The following SCAPER variants were observed in gnomAD, a reference collection of about 807,000 sequenced individuals.
SCAPER encodes the protein S-phase cyclin A associated protein in the ER.
Under a neutral mutation model 182.2 loss-of-function variants are expected in SCAPER, and 98 were observed. That is an observed-to-expected ratio of 0.54 (90% confidence interval 0.46 to 0.64). The LOEUF is 0.64. Among genes scored for constraint, SCAPER ranks in the 30% least tolerant of loss-of-function variants. The probability of loss-of-function intolerance (pLI) is 0.00; values close to 1 mark genes in which losing one functional copy is unlikely to be tolerated. For missense variants in SCAPER, 1,432 were observed against 1,690.0 expected, an observed-to-expected ratio of 0.85 and a Z score of 2.68; for synonymous variants, 605 against 564.6, an observed-to-expected ratio of 1.07 and a Z score of -1.01.
At chr15:76,741,298 C>T (rs1242643907) in intron 15 of SCAPER, among the ~76,000 whole-genome samples, 1 of 151,980 alleles carries the variant, frequency 6.6e-6, no homozygotes, top group Non-Finnish European at 1.5e-5. Context: ...GTTTCCTTTG[C>T]TATGTTGCTT....
intron 17 of SCAPER, among the ~76,000 whole-genome samples, chr15:76,725,166 T>C (rs184941257): frequency 7.0e-4 from 106 of 152,006 alleles, no homozygotes; most frequent in Middle Eastern, 6.8e-3. Flanking sequence ...CAGGATAAAA[T>C]AGTAACTAAA....
intron 22 of SCAPER, among the ~76,000 whole-genome samples, chr15:76,575,418 T>C (rs2047746100): frequency 6.6e-6 from 1 of 152,224 alleles, no homozygotes. Flanking sequence ...AAGATGATCC[T>C]ACATTTCAAA....
chr15:76,793,390 C>A, intron 8 of SCAPER: 1 of 631,930 alleles, frequency 1.6e-6, no homozygotes, highest in Non-Finnish European at 2.9e-6. Context: ...GGAAGCTGGT[C>A]ACTGGAAACA....
intron 2 of SCAPER, among the ~76,000 whole-genome samples, chr15:76,864,059 C>T (rs2072083240): frequency 6.6e-6 from 1 of 152,140 alleles, no homozygotes; most frequent in Non-Finnish European, 1.5e-5. Context: ...GTACCCAAGC[C>T]AACATCACAT....
intron 17 of SCAPER, among the ~76,000 whole-genome samples, chr15:76,713,419 C>A (rs1267706742): frequency 6.6e-6 from 1 of 151,624 alleles, no homozygotes; most frequent in Admixed American, 6.6e-5. Flanking sequence ...GAAAATGTGG[C>A]ACATATACAC....
intron 2 of SCAPER, among the ~76,000 whole-genome samples, chr15:76,862,954 G>A (rs1057200477): frequency 3.9e-5 from 6 of 152,174 alleles, no homozygotes; most frequent in African/African-American, 1.4e-4. Flanking sequence ...TAGAGATTGC[G>A]CTAAAGTAAG....
rs114764456 is a variant in SCAPER, at chr15:76,643,331, G to T, written c.2646-21502C>A. Among the ~76,000 whole-genome samples the T allele has an allele frequency of 8.1e-3, 1,234 of 152,200 alleles. 11 individuals carry two copies. Among genetic ancestry groups the T allele is most frequent in the African/African-American group, 0.028 (1,170 of 41,520 alleles). ...CTTGAACTACTGTTCAACGACTGTT[G>T]AACTACTTCCTCACATGAATAACTT... On this transcript the variant is annotated intron_variant, in intron 21 of 31. Transcript: ENST00000563290.
chr15:76,462,523 G>T (rs913958169), intron 25 of SCAPER, among the ~76,000 whole-genome samples: 2 of 152,088 alleles, frequency 1.3e-5, no homozygotes, highest in African/African-American at 4.8e-5. Context: ...GATTCTATGT[G>T]CATTAAACTG....
chr15:76,466,031 T>C (rs976791922), intron 25 of SCAPER, among the ~76,000 whole-genome samples: 2 of 152,152 alleles, frequency 1.3e-5, no homozygotes, highest in Admixed American at 1.3e-4. Context: ...GACAATTTTA[T>C]TATAATGTGT....
rs956924641 is a variant in SCAPER at position 76,411,876 on chromosome 15, C to G, written c.3312-7197G>C. 1.3e-5 allele frequency among the ~76,000 whole-genome samples: 2 copies of G among 152,156 alleles called. 1 individual carries two copies. The highest frequency in any genetic ancestry group is 2.9e-5 in the Non-Finnish European group (2 of 68,008). ...TTGCATTTCCCTGATAACTAACATA[C>G]TGAACACACTTCCATGTGCTAAGTA... is the stretch of plus-strand genomic sequence containing the variant. On this transcript the variant is annotated intron_variant, in intron 26 of 31. Transcript: ENST00000563290.
chr15:76,696,613 A>G (rs1460046235), intron 20 of SCAPER, among the ~76,000 whole-genome samples: 1 of 152,142 alleles, frequency 6.6e-6, no homozygotes, highest in Non-Finnish European at 1.5e-5. Context: ...AATTCATTCT[A>G]CATGCTTGCT....
intron 26 of SCAPER, among the ~76,000 whole-genome samples, chr15:76,417,043 T>G (rs1480439049): frequency 6.6e-6 from 1 of 151,956 alleles, no homozygotes; most frequent in African/African-American, 2.4e-5. Flanking sequence ...CCAGCCTGGG[T>G]GACAGCACAC....
Position 76,351,305 on chromosome 15 carries a change from A to C in SCAPER, c.4048-17T>G, listed in dbSNP as rs767438168. The stretch of plus-strand genomic sequence containing the variant: ...TGCCAAATCCTGTATGAGGAGAGAA[A>C]AGTGTTTTTCTATCAATGCTATGAA... On this transcript the variant is annotated splice_polypyrimidine_tract_variant and intron_variant, in intron 30 of 31. Transcript: ENST00000563290. The C allele has an allele frequency of 3.1e-6, 5 of 1,601,546 alleles. No individual in the cohort carries two copies. In the South Asian group the frequency reaches 5.7e-5, roughly 18 times the overall value.
chr15:76,879,211 G>A (rs2073377037), intron 2 of SCAPER, among the ~76,000 whole-genome samples: 1 of 152,152 alleles, frequency 6.6e-6, no homozygotes, highest in Non-Finnish European at 1.5e-5. Context: ...TCTTCCTTCT[G>A]TATGGAATAG....
In SCAPER at chr15:76,703,006, T is replaced by C. The variant is rs562100026; in HGVS notation, c.2248-4A>G. 10 of 1,536,488 alleles carry C rather than the reference T, an allele frequency of 6.5e-6. No individual in the cohort carries two copies. In the African/African-American group the frequency reaches 1.1e-4, roughly 17 times the overall value. ...GCCTTCGAATACTTTCATCATGCTG[T>C]AGATGAAGTCAAAGTGCAAGAATTT... On this transcript the variant is annotated splice_region_variant and splice_polypyrimidine_tract_variant and intron_variant, in intron 18 of 31. Coordinates refer to ENST00000563290, the MANE Select transcript of SCAPER (RefSeq NM_020843.4).
At chr15:76,642,240 TTCTAA>T (rs2054162758) in intron 21 of SCAPER, among the ~76,000 whole-genome samples, 1 of 152,198 alleles carries the variant, frequency 6.6e-6, no homozygotes, top group Non-Finnish European at 1.5e-5. Flanking sequence ...TTTCTTTATC[TTCTAA>T]TCTATCCTAA....
intron 25 of SCAPER, among the ~76,000 whole-genome samples, chr15:76,449,602 A>G (rs2048234065): frequency 6.6e-6 from 1 of 152,210 alleles, no homozygotes; most frequent in Non-Finnish European, 1.5e-5. Context: ...TTGATATTCT[A>G]TAATTCTATG....
intron 23 of SCAPER, among the ~76,000 whole-genome samples, chr15:76,510,888 TGC>T (rs934891709): frequency 4.2e-5 from 6 of 141,206 alleles, no homozygotes; most frequent in East Asian, 2.4e-4. Context: ...TGTGTGTGTG[TGC>T]GCGCGCGCAC....
intron 20 of SCAPER, among the ~76,000 whole-genome samples, chr15:76,682,264 T>TTCCC (rs2057759358): frequency 7.7e-6 from 1 of 130,518 alleles, no homozygotes; most frequent in African/African-American, 2.9e-5. Context: ...TCACCTCCCT[T>TTCCC]CCCCCCCCCA....
Sources: gnomAD v4.1 joint callset for allele counts (sites outside exome capture counted in the v4.1 genomes callset) on GRCh38, gnomAD v4.1.1 for gene constraint, MANE v1.5 for transcripts, NCBI Gene and HGNC (gene_info 2026-07-23, HGNC 2026-07-21) for gene names.